CFAP20DC: variants seen among roughly 807,000 people sequenced by gnomAD.
CFAP20DC encodes the protein CFAP20 domain containing.
Under a neutral mutation model 101.7 loss-of-function variants are expected in CFAP20DC, and 84 were observed. That is an observed-to-expected ratio of 0.83 (90% CI 0.69 to 0.99). CFAP20DC has a LOEUF of 0.99. Ranked by LOEUF, CFAP20DC falls within the 50% of genes least tolerant of loss-of-function variation. The pLI, the probability that CFAP20DC is intolerant of heterozygous loss-of-function variation, is 0.00. For missense variants in CFAP20DC, 1,007 were observed against 970.3 expected, an observed-to-expected ratio of 1.04 and a Z score of -0.50; for synonymous variants, 359 against 351.2, an observed-to-expected ratio of 1.02 and a Z score of -0.25.
intron 12 of CFAP20DC, among the ~76,000 whole-genome samples, chr3:58,853,082 G>T (rs183863196): frequency 0.063 from 9,558 of 152,058 alleles, 543 homozygotes; most frequent in African/African-American, 0.16. Context: ...TTGATAGACC[G>T]CTAGCAAGAC....
At chr3:58,784,507 C>T (rs560834420) in intron 15 of CFAP20DC, among the ~76,000 whole-genome samples, 64 of 152,188 alleles carry the variant, frequency 4.2e-4, no homozygotes, top group African/African-American at 1.4e-3. Context: ...CATGTATCCT[C>T]TGAATCTAAA....
intron 12 of CFAP20DC, among the ~76,000 whole-genome samples, chr3:58,855,990 A>C (rs1222003233): frequency 6.6e-6 from 1 of 152,082 alleles, no homozygotes; most frequent in East Asian, 1.9e-4. Context: ...TATAATAAAA[A>C]AAAATAAAAA....
chr3:59,046,639 A>C (rs1699885549), intron 2 of CFAP20DC, among the ~76,000 whole-genome samples: 1 of 152,188 alleles, frequency 6.6e-6, no homozygotes, highest in South Asian at 2.1e-4. Flanking sequence ...AAATAAAGCA[A>C]AACAAAACAC....
At chr3:58,895,256 G>A (rs1202091701) in intron 6 of CFAP20DC, among the ~76,000 whole-genome samples, 1 of 152,192 alleles carries the variant, frequency 6.6e-6, no homozygotes, top group Non-Finnish European at 1.5e-5. Context: ...GCATTGTCAG[G>A]CTGCAACTTT....
chr3:58,818,757 C>T (rs1450494693), intron 14 of CFAP20DC, among the ~76,000 whole-genome samples: 2 of 99,916 alleles, frequency 2.0e-5, no homozygotes, highest in Non-Finnish European at 3.9e-5. Flanking sequence ...ACAAGGATAC[C>T]CAGGAATTGA....
chr3:59,011,479 A>G (rs2093582807), intron 4 of CFAP20DC, among the ~76,000 whole-genome samples: 1 of 149,440 alleles, frequency 6.7e-6, no homozygotes, highest in African/African-American at 2.4e-5. Flanking sequence ...AGAAACAAGA[A>G]CAAATCAAAC....
At chr3:59,019,822 A>C (rs1179680875) in intron 4 of CFAP20DC, among the ~76,000 whole-genome samples, 1 of 152,122 alleles carries the variant, frequency 6.6e-6, no homozygotes, top group Non-Finnish European at 1.5e-5. Context: ...AAGGGTCTGC[A>C]AGATCCCTTC....
intron 12 of CFAP20DC, among the ~76,000 whole-genome samples, chr3:58,853,275 C>T (rs1441839801): frequency 5.3e-5 from 8 of 152,300 alleles, no homozygotes; most frequent in African/African-American, 1.9e-4. Context: ...TCTCCCAAGA[C>T]TAAACCAGGA....
rs954661206 is a variant in CFAP20DC at position 58,884,768 on chromosome 3, TATC to T, written c.551-62_551-60del. On this transcript the variant is annotated intron_variant, in intron 6 of 16. Coordinates refer to ENST00000482387, the MANE Select transcript of CFAP20DC (RefSeq NM_001394063.1). ...GTAAGCCATTTCTGCCAAATGGACC[TATC>T]ATATAAATGAAATCAATTAAAATTA... The T allele has an allele frequency of 6.0e-6, 8 of 1,344,144 alleles. No homozygotes were observed. The African/African-American group carries it at 1.2e-4, about 20-fold the overall frequency. 83.3% of individuals were successfully genotyped at this position (1,344,144 alleles called of 1,614,324 possible).
chr3:58,931,430 A>C (rs1386950770), intron 5 of CFAP20DC, among the ~76,000 whole-genome samples: 1 of 152,242 alleles, frequency 6.6e-6, no homozygotes, highest in Admixed American at 6.5e-5. Context: ...TGGTTCTCCC[A>C]GCACACAGCT....
intron 13 of CFAP20DC, among the ~76,000 whole-genome samples, chr3:58,841,287 G>C (rs957101719): frequency 1.3e-5 from 2 of 152,224 alleles, no homozygotes; most frequent in Non-Finnish European, 1.5e-5. Context: ...ATGGGGTATT[G>C]TTGGAAAAAC....
At chr3:58,827,256 CA>C (rs1410750476) in intron 14 of CFAP20DC, among the ~76,000 whole-genome samples, 1 of 151,820 alleles carries the variant, frequency 6.6e-6, no homozygotes, top group South Asian at 2.1e-4. Context: ...AGCCAAAAAC[CA>C]AAAAACCAAA....
chr3:58,877,250 G>A (rs1559752450), intron 7 of CFAP20DC, among the ~76,000 whole-genome samples: 1 of 152,204 alleles, frequency 6.6e-6, no homozygotes, highest in Non-Finnish European at 1.5e-5. Flanking sequence ...TACTGTGTAA[G>A]ACAGGGAGTA....
chr3:58,752,584 C>T (rs981522590), intron 16 of CFAP20DC, among the ~76,000 whole-genome samples: 5 of 152,124 alleles, frequency 3.3e-5, no homozygotes, highest in African/African-American at 1.2e-4. Context: ...TAACATAACA[C>T]ATTATTTGTT....
chr3:58,990,911 A>AT (rs1381273422), intron 4 of CFAP20DC, among the ~76,000 whole-genome samples: 2 of 151,934 alleles, frequency 1.3e-5, no homozygotes, highest in Non-Finnish European at 2.9e-5. Context: ...TCACTTTGTT[A>AT]TTTTTTTTAA....
intron 6 of CFAP20DC, among the ~76,000 whole-genome samples, chr3:58,889,187 T>G (rs970122020): frequency 6.6e-6 from 1 of 152,174 alleles, no homozygotes; most frequent in Non-Finnish European, 1.5e-5. Flanking sequence ...CTAGCCACAT[T>G]TCAAGGGCCG....
chr3:58,957,361 T>C (rs2090729344), intron 4 of CFAP20DC, among the ~76,000 whole-genome samples: 1 of 152,168 alleles, frequency 6.6e-6, no homozygotes, highest in African/African-American at 2.4e-5. Context: ...ACAAATGCTA[T>C]CAAGGATGTG....
intron 7 of CFAP20DC, among the ~76,000 whole-genome samples, chr3:58,883,030 G>C (rs541160219): frequency 2.6e-5 from 4 of 152,312 alleles, no homozygotes; most frequent in Non-Finnish European, 5.9e-5. Context: ...TTGACATATA[G>C]AAAATATCCC....
In CFAP20DC at chr3:59,014,142, T is replaced by C. The variant is rs752047433; in HGVS notation, c.278+25415A>G. On this transcript the variant is annotated intron_variant, in intron 4 of 16. Transcript: ENST00000482387. The surrounding 1 kb of genome is among the most constrained non-coding windows in gnomAD (Gnocchi z 4.9). ...TGCATGACTGACTGCAAGCAGTGAG[T>C]TAGAAGGTTTAGCTCAGCTGCTGCC... 8.5e-5 allele frequency among the ~76,000 whole-genome samples: 13 copies of C among 152,094 alleles called. No individual in the cohort carries two copies. Among genetic ancestry groups the C allele is most frequent in the Non-Finnish European group, 1.5e-4 (10 of 68,010 alleles).
Sources: allele counts gnomAD v4.1 joint callset (sites outside exome capture counted in the v4.1 genomes callset), GRCh38; gene constraint gnomAD v4.1.1; non-coding constraint Gnocchi (gnomAD v3.1); transcripts MANE v1.5; gene names NCBI Gene and HGNC (gene_info 2026-07-23, HGNC 2026-07-21).